Variants in PUM1 observed in about 807,000 individuals in gnomAD.
PUM1 encodes the protein pumilio RNA binding family member 1.
PUM1 carries 13 observed loss-of-function variants against 131.8 expected under a neutral mutation model. That is an observed-to-expected ratio of 0.10 (90% CI 0.06 to 0.16). The LOEUF (loss-of-function observed/expected upper bound fraction) is 0.16. PUM1 is among the 10% of genes least tolerant of loss of function. The pLI is 1.00. For synonymous variants in PUM1, 509 were observed against 556.5 expected, an observed-to-expected ratio of 0.91 and a Z score of 1.20; for missense variants, 961 against 1,512.4, an observed-to-expected ratio of 0.64 and a Z score of 6.05.
rs575784163 is a variant in PUM1, at chr1:31,057,667, G to A, written c.363+1537C>T. Among the ~76,000 whole-genome samples, 17 of 139,952 alleles carry A rather than the reference G, an allele frequency of 1.2e-4. No homozygotes were observed. The East Asian group carries it at 3.7e-3, about 31-fold the overall frequency. 91.8% of individuals were successfully genotyped at this position (139,952 alleles called of 152,430 possible). A position where few individuals can be genotyped will look rare whatever the true frequency, so the allele number is the denominator to read the frequency against. ...TTAAACCTGGGAGGGGGAGGTTGCA[G>A]TGAGCCGAGATTGTGCCACTGCACT... is the stretch of plus-strand genomic sequence containing the variant. On this transcript the variant is annotated intron_variant, in intron 2 of 21. Transcript: ENST00000426105.
chr1:30,988,761 A>G (rs1641663720), intron 7 of PUM1, among the ~76,000 whole-genome samples: 1 of 152,194 alleles, frequency 6.6e-6, no homozygotes, highest in South Asian at 2.1e-4. Context: ...CACCACAGTC[A>G]TTCCCAGCTC....
At chr1:30,949,854 GA>G (rs775744633) in intron 17 of PUM1, among the ~76,000 whole-genome samples, 5 of 150,582 alleles carry the variant, frequency 3.3e-5, no homozygotes, top group East Asian at 3.9e-4. Flanking sequence ...TTTATTCATG[GA>G]AAAAAAAACC....
At chr1:30,958,193 A>G (rs1056728632) in intron 14 of PUM1, among the ~76,000 whole-genome samples, 12 of 152,246 alleles carry the variant, frequency 7.9e-5, no homozygotes, top group African/African-American at 2.7e-4. Context: ...AAAGGCGTAT[A>G]AAACCCTGAA....
intron 5 of PUM1, 140 bp downstream of exon 5, chr1:31,005,713 T>C: frequency 2.5e-6 from 2 of 785,610 alleles, no homozygotes; most frequent in Middle Eastern, 3.3e-4. Flanking sequence ...ACAACAAACG[T>C]TGTTTGAAAA....
chr1:31,001,560 C>G (rs1377009150), intron 5 of PUM1, among the ~76,000 whole-genome samples: 3 of 150,476 alleles, frequency 2.0e-5, no homozygotes, highest in Admixed American at 2.0e-4. Context: ...TTGAATTCAG[C>G]CCCCCATTTC....
At chr1:30,996,917 TATG>T (rs1233671021) in intron 5 of PUM1, among the ~76,000 whole-genome samples, 1 of 151,340 alleles carries the variant, frequency 6.6e-6, no homozygotes, top group East Asian at 2.0e-4. Context: ...GCTCAATAAA[TATG>T]ATGAAGAAAA....
intron 2 of PUM1, among the ~76,000 whole-genome samples, chr1:31,032,601 T>C (rs1018580518): frequency 3.3e-5 from 5 of 150,110 alleles, no homozygotes; most frequent in East Asian, 2.0e-4. Flanking sequence ...TTTAATCAAA[T>C]AGATAAACCT....
intron 2 of PUM1, among the ~76,000 whole-genome samples, chr1:31,045,288 C>T (rs902858887): frequency 6.6e-6 from 1 of 152,050 alleles, no homozygotes; most frequent in Non-Finnish European, 1.5e-5. Context: ...CGCCCACCCC[C>T]ACACCCGGCT....
chr1:30,967,015 C>A, intron 12 of PUM1, 152 bp downstream of exon 12: 3 of 842,318 alleles, frequency 3.6e-6, no homozygotes, highest in Non-Finnish European at 3.4e-6. Context: ...CCACTAAGGT[C>A]ACTTATTGCT....
At chr1:30,936,305 T>C (rs1456273126) in intron 21 of PUM1, among the ~76,000 whole-genome samples, 1 of 151,986 alleles carries the variant, frequency 6.6e-6, no homozygotes, top group African/African-American at 2.4e-5. Context: ...GTTCAATAGA[T>C]GTTGGTGGGA....
intron 2 of PUM1, among the ~76,000 whole-genome samples, chr1:31,031,441 C>T (rs1643428642): frequency 6.6e-6 from 1 of 152,092 alleles, no homozygotes; most frequent in Admixed American, 6.6e-5. Flanking sequence ...GTGATTATTC[C>T]CATTTTAGAG....
Position 30,992,720 on chromosome 1 carries a change from C to T in PUM1, c.888-60G>A, listed in dbSNP as rs896890648. The T allele has an allele frequency of 7.4e-5, 110 of 1,481,366 alleles. No homozygotes were observed. In the Admixed American group the frequency reaches 2.1e-3, roughly 29 times the overall value. The allele number at this position is 1,481,366 out of a possible 1,614,324, so 91.8% of individuals were successfully genotyped here. A position where few individuals can be genotyped will look rare whatever the true frequency, so the allele number is the denominator to read the frequency against. ...TTTCAGTGGGGAGGGACTACAGCAA[C>T]CCAAGTTTAAGGACAATGTCCTCAA... On this transcript the variant is annotated intron_variant, in intron 6 of 21. Coordinates refer to ENST00000426105, the MANE Select transcript of PUM1 (RefSeq NM_001020658.2).
chr1:30,950,036 G>A, intron 17 of PUM1, 91 bp downstream of exon 17: 2 of 1,434,296 alleles, frequency 1.4e-6, no homozygotes, highest in East Asian at 4.7e-5. Context: ...AACCATAAAA[G>A]AAAACTGAAA....
chr1:30,965,067 T>C (rs1053429584), intron 13 of PUM1, among the ~76,000 whole-genome samples, 157 bp from the exon 14 acceptor site: 5 of 152,066 alleles, frequency 3.3e-5, no homozygotes, highest in Non-Finnish European at 7.4e-5. Context: ...TAGGGGCAGA[T>C]AAGTAATAAA....
At chr1:30,943,939 C>T (rs534701305) in intron 18 of PUM1, among the ~76,000 whole-genome samples, 4 of 152,288 alleles carry the variant, frequency 2.6e-5, no homozygotes, top group African/African-American at 9.6e-5. Context: ...TCTGGGCTCA[C>T]TTTTACATCA....
chr1:30,973,424 A>T (rs1641009733), intron 10 of PUM1, among the ~76,000 whole-genome samples: 1 of 152,202 alleles, frequency 6.6e-6, no homozygotes, highest in Non-Finnish European at 1.5e-5. Context: ...TATTTGCTCC[A>T]GAAAAACTCC....
At position 31,028,875 on chromosome 1, in the gene PUM1, G is replaced by C; in HGVS notation, c.364-11C>G. ...ATCCATGGAACGCACCTATTGTTTA[G>C]AATAGAGAAGGAAAAATCTTCAAGT... On this transcript the variant is annotated splice_polypyrimidine_tract_variant and intron_variant, in intron 2 of 21. Transcript: ENST00000426105. 6.2e-7 allele frequency: 1 copy of C among 1,608,464 alleles called. No individual in the cohort carries two copies. The highest frequency in any genetic ancestry group is 8.5e-7 in the Non-Finnish European group (1 of 1,175,250).
Position 31,054,093 on chromosome 1 carries a change from C to CAAAA in PUM1, c.363+5107_363+5110dup, listed in dbSNP as rs368330168. Reference sequence around the variant, plus strand: ...TGGACTACAGAGCAAGACTTTATTTCAAAAAAAAAAAAAAAAAAAAAAAAA... The same window carrying CAAAA: ...TGGACTACAGAGCAAGACTTTATTTCAAAAAAAAAAAAAAAAAAAAAAAAAAAAA... On this transcript the variant is annotated intron_variant, in intron 2 of 21. Coordinates refer to ENST00000426105, the MANE Select transcript of PUM1 (RefSeq NM_001020658.2). Among the ~76,000 whole-genome samples the CAAAA allele has an allele frequency of 5.1e-4, 28 of 54,878 alleles. 2 individuals are homozygous for CAAAA. Among genetic ancestry groups the CAAAA allele is most frequent in the Non-Finnish European group, 6.1e-4 (18 of 29,570 alleles). 36.0% of individuals were successfully genotyped at this position (54,878 alleles called of 152,430 possible).
chr1:31,010,915 T>C (rs1409847210), intron 3 of PUM1, among the ~76,000 whole-genome samples: 1 of 152,160 alleles, frequency 6.6e-6, no homozygotes, highest in African/African-American at 2.4e-5. Context: ...ACACCTGTAA[T>C]CCCAGTGCTT....
Sources: allele counts gnomAD v4.1 joint callset (sites outside exome capture counted in the v4.1 genomes callset), GRCh38; gene constraint gnomAD v4.1.1; transcripts MANE v1.5; gene names NCBI Gene and HGNC (gene_info 2026-07-23, HGNC 2026-07-21).